SGCD: variants seen among roughly 807,000 people sequenced by gnomAD.
SGCD encodes delta-sarcoglycan.
SGCD carries 18 observed loss-of-function variants against 36.6 expected under a neutral mutation model. That is an observed-to-expected ratio of 0.49 (90% confidence interval 0.34 to 0.73). The LOEUF (loss-of-function observed/expected upper bound fraction) is 0.73. Ranked by LOEUF, SGCD falls within the 30% of genes least tolerant of loss-of-function variation. SGCD has a pLI of 0.01. For missense variants in SGCD, 387 were observed against 346.7 expected, an observed-to-expected ratio of 1.12 and a Z score of -0.92; for synonymous variants, 133 against 130.6, an observed-to-expected ratio of 1.02 and a Z score of -0.12.
intron 1 of SGCD, among the ~76,000 whole-genome samples, chr5:156,018,674 C>A (rs571240094): frequency 5.9e-5 from 9 of 152,182 alleles, no homozygotes; most frequent in Non-Finnish European, 1.2e-4. Flanking sequence ...GTGTTGAGCA[C>A]TGAGCTAGGT....
At chr5:156,631,869 T>A (rs1762649327) in intron 6 of SGCD, among the ~76,000 whole-genome samples, 1 of 152,166 alleles carries the variant, frequency 6.6e-6, no homozygotes, top group South Asian at 2.1e-4. Flanking sequence ...CTTCCTGCTT[T>A]AGTGATGTAG....
At chr5:156,072,085 A>G (rs1451636962) in intron 1 of SGCD, among the ~76,000 whole-genome samples, 1 of 152,074 alleles carries the variant, frequency 6.6e-6, no homozygotes, top group African/African-American at 2.4e-5. Context: ...TCTTTATCCA[A>G]TTTGCCAGTC....
the SGCD span, among the ~76,000 whole-genome samples, chr5:155,763,495 G>A: frequency 1.2e-4 from 19 of 152,138 alleles, no homozygotes; most frequent in Non-Finnish European, 4.4e-5. Flanking sequence ...AACAAGATGG[G>A]CATTCCTCTC....
the SGCD span, among the ~76,000 whole-genome samples, chr5:155,780,558 C>CT: frequency 6.6e-6 from 1 of 152,170 alleles, no homozygotes. Flanking sequence ...AATTACTTGT[C>CT]TTGCTGCTCT....
chr5:156,413,984 T>TA (rs1307422435), intron 3 of SGCD, among the ~76,000 whole-genome samples: 2 of 152,176 alleles, frequency 1.3e-5, no homozygotes, highest in African/African-American at 4.8e-5. Context: ...GAGATAAAAC[T>TA]AACTCATTTG....
At position 156,519,270 on chromosome 5, in the gene SGCD, C is replaced by A. The variant is rs1757308651; in HGVS notation, c.294+10568C>A. ...AATTCCTGGACACATACACCCTTCC[C>A]AGACTGAATGAGGAAAAAGTTGATT... On this transcript the variant is annotated intron_variant, in intron 4 of 8. Coordinates refer to ENST00000337851, the MANE Select transcript of SGCD (RefSeq NM_000337.6). Among the ~76,000 whole-genome samples, 3 of 151,944 alleles carry A rather than the reference C, an allele frequency of 2.0e-5. No homozygotes were observed. In the East Asian group the frequency reaches 5.8e-4, roughly 29 times the overall value.
At chr5:155,952,163 G>A (rs1757560919) in intron 1 of SGCD, among the ~76,000 whole-genome samples, 1 of 152,120 alleles carries the variant, frequency 6.6e-6, no homozygotes, top group African/African-American at 2.4e-5. Context: ...CATAAAATTT[G>A]TGCTGGAGTT....
intron 4 of SGCD, among the ~76,000 whole-genome samples, chr5:156,564,448 T>TCAAAA (rs900672949): frequency 5.9e-5 from 9 of 152,056 alleles, no homozygotes; most frequent in Non-Finnish European, 1.2e-4. Context: ...AGACTCCATC[T>TCAAAA]CAAAACAAAA....
chr5:156,547,910 C>T (rs1282478735), intron 4 of SGCD, among the ~76,000 whole-genome samples: 1 of 152,124 alleles, frequency 6.6e-6, no homozygotes, highest in Non-Finnish European at 1.5e-5. Flanking sequence ...GGTCACTTGA[C>T]AGGTGATCTT....
chr5:156,060,187 G>A (rs114123523), intron 1 of SGCD, among the ~76,000 whole-genome samples: 1,734 of 146,474 alleles, frequency 0.012, 155 homozygotes, highest in African/African-American at 0.041. Context: ...TGTCCTATAA[G>A]GTGTGCAGGA....
chr5:155,815,182 G>T, the SGCD span, among the ~76,000 whole-genome samples: 1 of 152,254 alleles, frequency 6.6e-6, no homozygotes, highest in Non-Finnish European at 1.5e-5. Context: ...TAAGGGTTCT[G>T]TATTCTCTCA....
At chr5:156,489,607 A>C (rs1755849712) in intron 3 of SGCD, among the ~76,000 whole-genome samples, 1 of 152,164 alleles carries the variant, frequency 6.6e-6, no homozygotes, top group Non-Finnish European at 1.5e-5. Flanking sequence ...GAAATTAAAC[A>C]ACATGCTTCT....
At chr5:156,689,671 G>A (rs1296010635) in intron 7 of SGCD, among the ~76,000 whole-genome samples, 4 of 152,182 alleles carry the variant, frequency 2.6e-5, no homozygotes, top group Admixed American at 1.3e-4. Flanking sequence ...TTGGGATTTC[G>A]TGTTTGTTGG....
At chr5:156,593,728 C>T (rs1419141710) in intron 5 of SGCD, among the ~76,000 whole-genome samples, 1 of 152,166 alleles carries the variant, frequency 6.6e-6, no homozygotes, top group Non-Finnish European at 1.5e-5. Flanking sequence ...TTGTCCCTCA[C>T]TGCAATGAGT....
At chr5:156,242,893 C>T (rs1041117933) in intron 3 of SGCD, among the ~76,000 whole-genome samples, 1 of 152,056 alleles carries the variant, frequency 6.6e-6, no homozygotes, top group Non-Finnish European at 1.5e-5. Context: ...ATAGAGGGGT[C>T]CACATGGGGC....
chr5:155,986,623 T>C (rs905183173), intron 1 of SGCD, among the ~76,000 whole-genome samples: 9 of 152,144 alleles, frequency 5.9e-5, no homozygotes, highest in Admixed American at 2.6e-4. Context: ...AGGCTGAGGA[T>C]TGATCATGTG....
At chr5:156,220,733 C>G (rs1457862237) in intron 3 of SGCD, among the ~76,000 whole-genome samples, 1 of 152,140 alleles carries the variant, frequency 6.6e-6, no homozygotes, top group Non-Finnish European at 1.5e-5. Flanking sequence ...CATTTGGCTA[C>G]ATATCAGCCC....
At chr5:155,976,739 C>A (rs1184670208) in intron 1 of SGCD, among the ~76,000 whole-genome samples, 2 of 152,110 alleles carry the variant, frequency 1.3e-5, no homozygotes, top group Non-Finnish European at 2.9e-5. Flanking sequence ...AAGTGAAAGG[C>A]AACGGGTGTG....
chr5:155,854,793 C>T, the SGCD span, among the ~76,000 whole-genome samples: 89 of 152,184 alleles, frequency 5.8e-4, no homozygotes, highest in African/African-American at 2.1e-3. Context: ...ATTATTATAA[C>T]AGTGGCAGAT....
Sources: allele counts gnomAD v4.1 joint callset (sites outside exome capture counted in the v4.1 genomes callset), GRCh38; gene constraint gnomAD v4.1.1; transcripts MANE v1.5; gene names NCBI Gene and HGNC (gene_info 2026-07-23, HGNC 2026-07-21).